The following FER1L5 variants were observed in gnomAD, a reference collection of about 807,000 sequenced individuals.
FER1L5 encodes fer-1 like family member 5.
FER1L5 carries 187 observed loss-of-function variants against 279.9 expected under a neutral mutation model. That is an observed-to-expected ratio of 0.67 (90% confidence interval 0.59 to 0.75). The LOEUF (loss-of-function observed/expected upper bound fraction) is 0.75, where lower values mean the gene tolerates loss of function less well. FER1L5 is among the 30% of genes least tolerant of loss of function. The pLI, the probability that FER1L5 is intolerant of heterozygous loss-of-function variation, is 0.00. For missense variants in FER1L5, 2,091 were observed against 2,594.4 expected (o/e 0.81, Z 4.21); for synonymous variants, 921 against 989.7 (o/e 0.93, Z 1.30).
chr2:96,646,914 G>T, intron 2 of FER1L5, 150 bp from the exon 3 acceptor site: 1 of 806,726 alleles, frequency 1.2e-6, no homozygotes, highest in South Asian at 1.9e-5. Context: ...GGTAGCAAAC[G>T]CCATCTCCTG....
At chr2:96,662,426 G>T (rs1019667159) in intron 13 of FER1L5, among the ~76,000 whole-genome samples, 159 bp downstream of exon 13, 5 of 152,106 alleles carry the variant, frequency 3.3e-5, no homozygotes, top group African/African-American at 1.2e-4. Context: ...GCAGGCGGAG[G>T]CCACGTCTTA....
intron 1 of FER1L5, among the ~76,000 whole-genome samples, chr2:96,644,375 T>C (rs2075025941): frequency 6.6e-6 from 1 of 151,350 alleles, no homozygotes. Context: ...TCCCAGCTAC[T>C]TGGGAGGCTG....
At chr2:96,700,565 GAGA>G (rs2077554837) in intron 45 of FER1L5, 94 bp downstream of exon 45, 1 of 1,547,228 alleles carries the variant, frequency 6.5e-7, no homozygotes, top group Non-Finnish European at 8.8e-7. Flanking sequence ...TCCACGAGAG[GAGA>G]AGGACAGGCC....
intron 21 of FER1L5, among the ~76,000 whole-genome samples, 190 bp downstream of exon 21, chr2:96,685,619 C>T (rs997010441): frequency 2.0e-5 from 3 of 152,314 alleles, no homozygotes; most frequent in Non-Finnish European, 4.4e-5. Flanking sequence ...ACCGCCCCAT[C>T]AGAATGGTCC....
In FER1L5 at chr2:96,642,910, T is replaced by A. The variant is rs1234014939; in HGVS notation, c.74T>A (p.Ile25Asn). 1 of 1,550,822 alleles carries A rather than the reference T, an allele frequency of 6.4e-7. No individual in the cohort carries two copies. The highest frequency in any genetic ancestry group is 8.7e-7 in the Non-Finnish European group (1 of 1,146,542). Residue 25 changes from isoleucine (I) to asparagine (N), a missense_variant, in exon 1 of 53, where the codon ATC becomes AAC. By Grantham distance (149) the Ile-to-Asn change is moderately radical. Transcript: ENST00000624922. ...LAPLPRPCMS[I>N]DFRDIKKRTR... ...CCACTACCCAGGCCCTGCATGTCCATCGACTTCAGAGGTGAGAGCCTCCCT... is the reference window on the plus strand; with the variant it reads ...CCACTACCCAGGCCCTGCATGTCCAACGACTTCAGAGGTGAGAGCCTCCCT...
intron 9 of FER1L5, among the ~76,000 whole-genome samples, chr2:96,658,642 G>A (rs1477652201): frequency 1.3e-5 from 2 of 152,140 alleles, no homozygotes; most frequent in African/African-American, 2.4e-5. Flanking sequence ...CACCAGTAGT[G>A]TATTAGAGTT....
intron 19 of FER1L5, among the ~76,000 whole-genome samples, chr2:96,674,379 C>T (rs766071749): frequency 5.3e-5 from 8 of 152,124 alleles, no homozygotes; most frequent in Admixed American, 2.0e-4. Context: ...CATGCCACCA[C>T]GCCTGGCTAA....
In FER1L5 at chr2:96,697,691, G is replaced by A. The variant is rs1161006035; in HGVS notation, c.4166G>A (p.Ser1389Asn). Residue 1389 changes from serine (S) to asparagine (N), a missense_variant, in exon 39 of 53, where the codon AGC becomes AAC. Physicochemically the swap from Ser to Asn is conservative, Grantham distance 46. Coordinates refer to ENST00000624922, the MANE Select transcript of FER1L5 (RefSeq NM_001293083.2). ...DEYEHEVDWW[S>N]KLFWATDEHK... The stretch of plus-strand genomic sequence containing the variant: ...TATGAGCATGAGGTGGACTGGTGGA[G>A]CAAGCTGTTCTGGGCCACAGATGAG... The A allele has an allele frequency of 6.2e-7, 1 of 1,614,066 alleles. No individual in the cohort carries two copies. Among genetic ancestry groups the A allele is most frequent in the Admixed American group, 1.7e-5 (1 of 60,028 alleles).
chr2:96,673,176 G>A lies in FER1L5; in HGVS notation c.1591G>A (p.Gly531Ser), dbSNP rs2106588186. ...GCTGATCCATTTCGAGGTCAGCATC[G>A]GTCACTATGGGAACAAGATGGACCT... ...KELIHFEVSI[G>S]HYGNKMDLNY... is the part of the protein sequence containing the mutation. Residue 531 changes from glycine to serine, a missense_variant, in exon 19 of 53, where the codon GGT becomes AGT. By Grantham distance (56) the Gly-to-Ser change is moderately conservative. Transcript: ENST00000624922. 7 of 1,551,516 alleles carry A rather than the reference G, an allele frequency of 4.5e-6. No individual in the cohort carries two copies. The highest frequency in any genetic ancestry group is 5.2e-6 in the Non-Finnish European group (6 of 1,146,952).
In FER1L5 at chr2:96,703,361, G is replaced by A. The variant is rs780242035; in HGVS notation, c.5691+15G>A. Reference sequence around the variant, plus strand: ...GGCGCTTGTCGGTAGGAGCTGGGGAGTGTCTACTGATTAGGGCTGCTATGC... The same window carrying A: ...GGCGCTTGTCGGTAGGAGCTGGGGAATGTCTACTGATTAGGGCTGCTATGC... On this transcript the variant is annotated intron_variant, in intron 50 of 52. Transcript: ENST00000624922. 1.2e-6 allele frequency: 2 copies of A among 1,604,420 alleles called. No homozygotes were observed. Among genetic ancestry groups the A allele is most frequent in the African/African-American group, 1.3e-5 (1 of 74,736 alleles).
chr2:96,692,825 C>T (rs1460971402), intron 31 of FER1L5, among the ~76,000 whole-genome samples: 1 of 152,060 alleles, frequency 6.6e-6, no homozygotes, highest in Non-Finnish European at 1.5e-5. Context: ...CTTCACCACC[C>T]ACATCGAGAG....
At chr2:96,699,429 G>A (rs1363828588) in intron 42 of FER1L5, 121 bp from the exon 43 acceptor site, 3 of 1,178,874 alleles carry the variant, frequency 2.5e-6, no homozygotes, top group Admixed American at 2.1e-5. Context: ...CCTACCCCAT[G>A]CTCTGCTCTC....
chr2:96,678,290 C>T (rs1024645914), intron 19 of FER1L5, among the ~76,000 whole-genome samples: 4 of 151,658 alleles, frequency 2.6e-5, no homozygotes, highest in Non-Finnish European at 5.9e-5. Flanking sequence ...CCACCACGCC[C>T]GGCTAGATTT....
chr2:96,685,110 C>G (rs1040344029), intron 20 of FER1L5, among the ~76,000 whole-genome samples: 1 of 152,092 alleles, frequency 6.6e-6, no homozygotes, highest in Non-Finnish European at 1.5e-5. Flanking sequence ...TACCCCATCC[C>G]GGCTTCTTGC....
In FER1L5 at chr2:96,686,199, A is replaced by G; in HGVS notation, c.2078A>G (p.Gln693Arg). Residue 693 changes from glutamine (Q) to arginine (R), a missense_variant, in exon 23 of 53, where the codon CAG (glutamine) becomes CGG (arginine). Gln to Arg is a conservative substitution (Grantham distance 43, BLOSUM62 1). Transcript: ENST00000624922. ...YRLNTVLPEP[Q>R]MGLPDVMIWL... ...GACATTCTCCCACCTCGGCAGCCCC[A>G]GATGGGCCTCCCTGACGTGATGATT... 1 of 1,550,384 alleles carries G rather than the reference A, an allele frequency of 6.5e-7. No homozygotes were observed. The highest frequency in any genetic ancestry group is 8.7e-7 in the Non-Finnish European group (1 of 1,146,080).
chr2:96,669,016 G>C, intron 16 of FER1L5, 27 bp from the exon 17 acceptor site: 1 of 1,551,548 alleles, frequency 6.4e-7, no homozygotes, highest in East Asian at 2.4e-5. Context: ...TCCTGCGCCC[G>C]ACCCTTCTCA....
intron 9 of FER1L5, among the ~76,000 whole-genome samples, chr2:96,659,247 A>C (rs904249329): frequency 1.3e-5 from 2 of 150,848 alleles, no homozygotes; most frequent in Non-Finnish European, 2.9e-5. Flanking sequence ...AGTGTCTTTC[A>C]AAAGCAGACT....
At chr2:96,642,980 A>G (rs2074949593) in intron 1 of FER1L5, 59 bp downstream of exon 1, 1 of 1,452,266 alleles carries the variant, frequency 6.9e-7, no homozygotes, top group African/African-American at 1.4e-5. Context: ...ACATGGATTC[A>G]GTGAAAAAAG....
chr2:96,652,245 G>A (rs1273079643), intron 7 of FER1L5: 11 of 578,658 alleles, frequency 1.9e-5, no homozygotes, highest in Non-Finnish European at 3.0e-5. Flanking sequence ...TCATGAATCC[G>A]TAAACAATTA....
Sources: gnomAD v4.1 joint callset for allele counts (sites outside exome capture counted in the v4.1 genomes callset) on GRCh38, gnomAD v4.1.1 for gene constraint, MANE v1.5 for transcripts, NCBI Gene and HGNC (gene_info 2026-07-23, HGNC 2026-07-21) for gene names.